Variants in HEXB observed in about 807,000 individuals in gnomAD.
The protein encoded by HEXB is beta-hexosaminidase subunit beta.
HEXB carries 51 observed loss-of-function variants against 71.2 expected under a neutral mutation model. The ratio of observed to expected loss-of-function variants is 0.72; its 90% CI spans 0.57 to 0.90. The LOEUF (loss-of-function observed/expected upper bound fraction) is 0.90. Among genes scored for constraint, HEXB ranks in the 40% least tolerant of loss-of-function variants. HEXB has a pLI of 0.00. For missense variants in HEXB, 617 were observed against 677.0 expected (o/e 0.91, Z 0.98); for synonymous variants, 266 against 249.3 (o/e 1.07, Z -0.63).
chr5:74,651,469 A>T (rs1420499643), intron 1 of HEXB, among the ~76,000 whole-genome samples: 1 of 152,236 alleles, frequency 6.6e-6, no homozygotes, highest in East Asian at 1.9e-4. Context: ...AAAGTCTAAC[A>T]AAACATTTCA....
chr5:74,691,914 C>T (rs533903107), intron 2 of HEXB, among the ~76,000 whole-genome samples: 1 of 152,256 alleles, frequency 6.6e-6, no homozygotes, highest in South Asian at 2.1e-4. Context: ...ATTGTTAACA[C>T]TAATAACTTG....
Position 74,697,079 on chromosome 5 carries a change from G to T in HEXB, c.642G>T (p.Leu214=), listed in dbSNP as rs767306367. 11 of 1,531,502 alleles carry T rather than the reference G, an allele frequency of 7.2e-6. No individual in the cohort carries two copies. Among genetic ancestry groups the T allele is most frequent in the Non-Finnish European group, 1.0e-5 (11 of 1,105,454 alleles). 94.9% of individuals were successfully genotyped at this position (1,531,502 alleles called of 1,614,324 possible). A position where few individuals can be genotyped will look rare whatever the true frequency, so the allele number is the denominator to read the frequency against. ...GILIDTSRHY[L]PVKIILKTLD... ...TGATTGATACATCCAGACATTATCT[G>T]CCAGTTAAGATTATTCTTAAAACTC... is the stretch of plus-strand genomic sequence containing the variant. Residue 214 remains leucine, a synonymous_variant, in exon 5 of 14, where the codon CTG becomes CTT. Transcript: ENST00000261416.
At chr5:74,653,400 G>C (rs1200647317) in intron 1 of HEXB, among the ~76,000 whole-genome samples, 1 of 152,170 alleles carries the variant, frequency 6.6e-6, no homozygotes, top group Non-Finnish European at 1.5e-5. Flanking sequence ...CTCTGGCCAA[G>C]ATGAAGTAGC....
intron 1 of HEXB, among the ~76,000 whole-genome samples, chr5:74,663,319 T>G (rs1748364383): frequency 6.6e-6 from 1 of 152,012 alleles, no homozygotes; most frequent in South Asian, 2.1e-4. Context: ...GCTTCCTGAG[T>G]AGCTGGGAGT....
At chr5:74,714,691 TTAG>T (rs1749630969) in intron 7 of HEXB, among the ~76,000 whole-genome samples, 2 of 152,238 alleles carry the variant, frequency 1.3e-5, no homozygotes. Flanking sequence ...AAAATGAGAA[TTAG>T]TAGTAGCTAT....
At chr5:74,645,881 G>A (rs1381617289) in intron 1 of HEXB, among the ~76,000 whole-genome samples, 1 of 152,126 alleles carries the variant, frequency 6.6e-6, no homozygotes, top group Non-Finnish European at 1.5e-5. Context: ...AAGAAGAGCC[G>A]CAAACCTATC....
intron 1 of HEXB, among the ~76,000 whole-genome samples, chr5:74,655,882 C>CT (rs777426280): frequency 6.6e-6 from 1 of 152,154 alleles, no homozygotes; most frequent in Non-Finnish European, 1.5e-5. Context: ...GATAATACAG[C>CT]TGTCAGTAGC....
At chr5:74,668,610 G>A (rs1323433894) in intron 1 of HEXB, among the ~76,000 whole-genome samples, 1 of 152,176 alleles carries the variant, frequency 6.6e-6, no homozygotes, top group Non-Finnish European at 1.5e-5. Context: ...GATACTGTGT[G>A]TAAAGAATCT....
intron 1 of HEXB, among the ~76,000 whole-genome samples, chr5:74,674,751 G>A (rs776410033): frequency 1.3e-4 from 19 of 151,954 alleles, no homozygotes; most frequent in Admixed American, 3.9e-4. Flanking sequence ...TATGTGATGC[G>A]GATCACAGTC....
chr5:74,682,462 G>C (rs1748757702), upstream of HEXB, among the ~76,000 whole-genome samples: 1 of 152,224 alleles, frequency 6.6e-6, no homozygotes, highest in Non-Finnish European at 1.5e-5. Flanking sequence ...ATCTAATCCA[G>C]AATCACCCAG....
chr5:74,674,028 A>G (rs1748586176), intron 1 of HEXB, among the ~76,000 whole-genome samples: 2 of 152,170 alleles, frequency 1.3e-5, no homozygotes, highest in Admixed American at 1.3e-4. Flanking sequence ...CTCCAAAGGA[A>G]TGGAGTTGGC....
chr5:74,682,078 G>A (rs115213915), upstream of HEXB, among the ~76,000 whole-genome samples: 140 of 152,364 alleles, frequency 9.2e-4, no homozygotes, highest in African/African-American at 3.2e-3. Context: ...ATCCTCCGGG[G>A]CTGGGTGCGG....
At chr5:74,713,709 G>T in intron 7 of HEXB, 74 bp downstream of exon 7, 1 of 1,260,662 alleles carries the variant, frequency 7.9e-7, no homozygotes. Context: ...TGTCACCCAG[G>T]CTGGAGTGCA....
intron 9 of HEXB, among the ~76,000 whole-genome samples, chr5:74,717,331 A>G (rs1026653148): frequency 1.3e-5 from 2 of 152,098 alleles, no homozygotes; most frequent in Non-Finnish European, 2.9e-5. Flanking sequence ...GTGCTACCCA[A>G]TACAGTAGCC....
chr5:74,700,055 G>A (rs1749225799), intron 5 of HEXB, among the ~76,000 whole-genome samples: 1 of 124,042 alleles, frequency 8.1e-6, no homozygotes, highest in African/African-American at 3.1e-5. Context: ...TGCCCAGACT[G>A]GAGTGCAGTG....
rs947451373 is a variant in HEXB, at chr5:74,652,524, A to G, written c.-377+11966A>G. On this transcript the variant is annotated intron_variant, in intron 1 of 13. Transcript: ENST00000511181. This position sits in a 1 kb window ranked among gnomAD's most constrained non-coding sequence, Gnocchi z 5.4. Reference sequence around the variant, plus strand: ...TTCAAAAGAGTCCTCATAGTTGGGTATAGTTAGGACAAACAGACCATAAGA... The same window carrying G: ...TTCAAAAGAGTCCTCATAGTTGGGTGTAGTTAGGACAAACAGACCATAAGA... 6.6e-6 allele frequency among the ~76,000 whole-genome samples: 1 copy of G among 152,236 alleles called. No individual in the cohort carries two copies. Among genetic ancestry groups the G allele is most frequent in the Non-Finnish European group, 1.5e-5 (1 of 68,044 alleles).
chr5:74,690,485 A>C (rs575473656), intron 2 of HEXB, among the ~76,000 whole-genome samples: 55 of 151,842 alleles, frequency 3.6e-4, no homozygotes, highest in Admixed American at 8.5e-4. Flanking sequence ...CTGCATCCCT[A>C]CTAAAAAATA....
At chr5:74,693,176 T>C (rs1461269939) in intron 2 of HEXB, among the ~76,000 whole-genome samples, 1 of 152,152 alleles carries the variant, frequency 6.6e-6, no homozygotes, top group Non-Finnish European at 1.5e-5. Flanking sequence ...GGGAGTAGAT[T>C]TGAGCGACAC....
intron 1 of HEXB, among the ~76,000 whole-genome samples, chr5:74,657,839 C>A (rs1338284530): frequency 1.3e-5 from 2 of 152,190 alleles, no homozygotes; most frequent in Non-Finnish European, 2.9e-5. Flanking sequence ...CTGATCTCAG[C>A]CTATGTTACC....
Sources: gnomAD v4.1 joint callset for allele counts (sites outside exome capture counted in the v4.1 genomes callset) on GRCh38, gnomAD v4.1.1 for gene constraint, Gnocchi (gnomAD v3.1) non-coding constraint, MANE v1.5 for transcripts, NCBI Gene and HGNC (gene_info 2026-07-23, HGNC 2026-07-21) for gene names.